Variants in SOS2 observed in about 807,000 individuals in gnomAD.
The protein encoded by SOS2 is SOS Ras/Rho guanine nucleotide exchange factor 2.
In SOS2, 65 loss-of-function variants were observed where a neutral mutation model predicts 148.2. That is an observed-to-expected ratio of 0.44 (90% confidence interval 0.36 to 0.54). The LOEUF (loss-of-function observed/expected upper bound fraction) is 0.54, where lower values mean the gene tolerates loss of function less well. Among genes scored for constraint, SOS2 ranks in the 20% least tolerant of loss-of-function variants. The probability of loss-of-function intolerance (pLI) is 0.00; values close to 1 mark genes in which losing one functional copy is unlikely to be tolerated. For missense variants in SOS2, 1,341 were observed against 1,590.2 expected, an observed-to-expected ratio of 0.84 and a Z score of 2.67; for synonymous variants, 539 against 537.1, an observed-to-expected ratio of 1.00 and a Z score of -0.05.
At chr14:50,209,798 T>C (rs1248898772) in intron 1 of SOS2, among the ~76,000 whole-genome samples, 1 of 151,454 alleles carries the variant, frequency 6.6e-6, no homozygotes, top group Non-Finnish European at 1.5e-5. Flanking sequence ...GAATTTAAAA[T>C]ACCGTGTACC....
At chr14:50,229,800 T>C (rs962969949) in intron 1 of SOS2, among the ~76,000 whole-genome samples, 2 of 152,230 alleles carry the variant, frequency 1.3e-5, no homozygotes, top group African/African-American at 4.8e-5. Context: ...GCCAACAATA[T>C]AGGCCTACCT....
intron 8 of SOS2, among the ~76,000 whole-genome samples, chr14:50,166,629 T>A (rs749821282): frequency 1.4e-4 from 21 of 152,182 alleles, no homozygotes; most frequent in Non-Finnish European, 7.4e-5. Flanking sequence ...CTGTCTAAGA[T>A]TTTATATTTC....
chr14:50,185,508 A>G (rs1885878713), intron 5 of SOS2, among the ~76,000 whole-genome samples: 1 of 152,074 alleles, frequency 6.6e-6, no homozygotes, highest in South Asian at 2.1e-4. Flanking sequence ...CCTGGCCAAC[A>G]TGGCGAAACC....
At chr14:50,192,037 A>C (rs2139749356) in intron 4 of SOS2, among the ~76,000 whole-genome samples, 1 of 150,372 alleles carries the variant, frequency 6.7e-6, no homozygotes, top group East Asian at 2.0e-4. Flanking sequence ...CTGTGGTCCC[A>C]GCTACAAAGG....
chr14:50,220,730 A>G (rs970607787), intron 1 of SOS2, among the ~76,000 whole-genome samples: 3 of 152,220 alleles, frequency 2.0e-5, no homozygotes, highest in Non-Finnish European at 4.4e-5. Context: ...TAAAATGCAG[A>G]TAAGTACAGG....
chr14:50,180,033 C>T lies in SOS2; in HGVS notation c.969+539G>A, dbSNP rs973941705. On this transcript the variant is annotated intron_variant, in intron 7 of 22. Coordinates refer to ENST00000216373, the MANE Select transcript of SOS2 (RefSeq NM_006939.4). ...TTCTATTTATTTTTTGAGACAGAGT[C>T]TCACTATTCCACCCAAGCTGGAGTG... Among the ~76,000 whole-genome samples the T allele has an allele frequency of 2.0e-5, 3 of 151,498 alleles. No individual in the cohort carries two copies. In the East Asian group the frequency reaches 5.8e-4, roughly 29 times the overall value.
intron 11 of SOS2, among the ~76,000 whole-genome samples, chr14:50,157,748 A>G (rs1292659144): frequency 6.6e-6 from 1 of 152,152 alleles, no homozygotes; most frequent in Non-Finnish European, 1.5e-5. Context: ...TTGATAATAC[A>G]GTTAATAAGC....
At chr14:50,133,696 T>C (rs888050193) in intron 19 of SOS2, among the ~76,000 whole-genome samples, 2 of 152,204 alleles carry the variant, frequency 1.3e-5, no homozygotes, top group Admixed American at 1.3e-4. Context: ...TAACTGGAAA[T>C]TGTAGCATCA....
At chr14:50,187,056 G>A (rs1001194105) in intron 5 of SOS2, among the ~76,000 whole-genome samples, 14 of 152,152 alleles carry the variant, frequency 9.2e-5, no homozygotes, top group African/African-American at 3.1e-4. Flanking sequence ...CTTTTGCCCA[G>A]GCTGGAGTGC....
At chr14:50,131,644 C>T (rs755411584) in intron 19 of SOS2, among the ~76,000 whole-genome samples, 2 of 152,050 alleles carry the variant, frequency 1.3e-5, no homozygotes, top group South Asian at 2.1e-4. Flanking sequence ...CAGAGGAACA[C>T]GAATTCTGCT....
rs527977523 is a variant in SOS2, at chr14:50,217,506, C to T, written c.88-13097G>A. On this transcript the variant is annotated intron_variant, in intron 1 of 22. Transcript: ENST00000216373. ...TTTAGATCAGGAGTTCGAGACCAGC[C>T]TGGGCAACATAGTGAGACCCTGTCT... 2.0e-5 allele frequency among the ~76,000 whole-genome samples: 3 copies of T among 152,132 alleles called. No homozygotes were observed. The East Asian group carries it at 5.8e-4, about 29-fold the overall frequency.
chr14:50,190,917 A>G (rs1298542287), intron 4 of SOS2, among the ~76,000 whole-genome samples: 2 of 152,176 alleles, frequency 1.3e-5, no homozygotes, highest in Non-Finnish European at 2.9e-5. Context: ...GACATGCAAA[A>G]TAAAGGAAGA....
chr14:50,140,589 G>A (rs1255246102), intron 16 of SOS2, among the ~76,000 whole-genome samples: 2 of 152,096 alleles, frequency 1.3e-5, no homozygotes, highest in Non-Finnish European at 2.9e-5. Flanking sequence ...ACCCCAGAGC[G>A]AACACTATGC....
At chr14:50,160,160 T>G in intron 9 of SOS2, 74 bp from the exon 10 acceptor site, 3 of 1,131,744 alleles carry the variant, frequency 2.7e-6, no homozygotes, top group Non-Finnish European at 3.8e-6. Flanking sequence ...CCATCTCAAA[T>G]CAAGTGAGTA....
intron 13 of SOS2, among the ~76,000 whole-genome samples, chr14:50,151,808 G>A (rs1310180522): frequency 6.6e-6 from 1 of 152,142 alleles, no homozygotes; most frequent in East Asian, 1.9e-4. Context: ...CTGCAGCCTC[G>A]AGCTCTGGGC....
intron 13 of SOS2, among the ~76,000 whole-genome samples, chr14:50,152,221 A>G (rs1365815767): frequency 6.6e-6 from 1 of 152,198 alleles, no homozygotes; most frequent in Non-Finnish European, 1.5e-5. Flanking sequence ...GATAAAACAT[A>G]AATGTTCTTG....
chr14:50,146,160 C>T (rs1049856665), intron 14 of SOS2, among the ~76,000 whole-genome samples: 3 of 143,854 alleles, frequency 2.1e-5, no homozygotes, highest in South Asian at 2.2e-4. Context: ...AAAAAAGAAA[C>T]GAAAAAAAAG....
chr14:50,188,925 G>A (rs1227770887), intron 4 of SOS2, among the ~76,000 whole-genome samples: 1 of 151,842 alleles, frequency 6.6e-6, no homozygotes, highest in East Asian at 1.9e-4. Flanking sequence ...TTAGCCAGGC[G>A]TCATGGTAGG....
rs750437794 is a variant in SOS2, at chr14:50,182,517, A to G, written c.804T>C (p.Thr268=). The change falls in exon 6 of 23, where the codon ACT becomes ACC. Residue 268 remains threonine, a synonymous_variant. Coordinates refer to ENST00000216373, the MANE Select transcript of SOS2 (RefSeq NM_006939.4). The part of the protein sequence containing the change: ...LGLIEDTVEM[T]DESSPHPLAG... ...CTAAGGGATGAGGACTGCTTTCATC[A>G]GTCATTTCAACTGTGTCTTCAATCA... 3.1e-5 allele frequency: 50 copies of G among 1,613,506 alleles called. No individual in the cohort carries two copies. The highest frequency in any genetic ancestry group is 4.0e-5 in the Non-Finnish European group (47 of 1,179,540).
Sources: allele counts gnomAD v4.1 joint callset (sites outside exome capture counted in the v4.1 genomes callset), GRCh38; gene constraint gnomAD v4.1.1; transcripts MANE v1.5; gene names NCBI Gene and HGNC (gene_info 2026-07-23, HGNC 2026-07-21).